Variants in SFMBT2 observed in about 807,000 individuals in gnomAD.
The protein encoded by SFMBT2 is scm-like with four MBT domains protein 2.
SFMBT2 carries 38 observed loss-of-function variants against 110.1 expected under a neutral mutation model. The ratio of observed to expected loss-of-function variants is 0.35; its 90% CI spans 0.27 to 0.45. The LOEUF (loss-of-function observed/expected upper bound fraction) is 0.45, where lower values mean the gene tolerates loss of function less well. SFMBT2 is among the 20% of genes least tolerant of loss of function. The probability of loss-of-function intolerance (pLI) is 1.00; values close to 1 mark genes in which losing one functional copy is unlikely to be tolerated. For synonymous variants in SFMBT2, 425 were observed against 425.4 expected, an observed-to-expected ratio of 1.00 and a Z score of 0.01; for missense variants, 1,011 against 1,094.9, an observed-to-expected ratio of 0.92 and a Z score of 1.08.
intron 4 of SFMBT2, among the ~76,000 whole-genome samples, chr10:7,340,839 TAACA>T (rs1263682001): frequency 2.0e-5 from 3 of 147,018 alleles, no homozygotes; most frequent in Middle Eastern, 3.5e-3. Flanking sequence ...GCTAGAAAAT[TAACA>T]AACAAAGTAA....
intron 16 of SFMBT2, among the ~76,000 whole-genome samples, chr10:7,187,087 T>C (rs1273920725): frequency 1.3e-5 from 2 of 152,226 alleles, no homozygotes; most frequent in African/African-American, 4.8e-5. Context: ...ACATGAAAAC[T>C]AGTGCAAACA....
rs116619325 is a variant in SFMBT2 at position 7,357,179 on chromosome 10, G to C, written c.436+10470C>G. ...AAGGCATTAAGATGACGCCAGGGGA[G>C]AGCAAGTGGGCGATTCAGCTCTAGC... On this transcript the variant is annotated intron_variant, in intron 4 of 20. Coordinates refer to ENST00000397167, the MANE Select transcript of SFMBT2 (RefSeq NM_001387889.1). Among the ~76,000 whole-genome samples, 1,103 of 152,214 alleles carry C rather than the reference G, an allele frequency of 7.2e-3. 18 individuals are homozygous for C. The highest frequency in any genetic ancestry group is 0.025 in the African/African-American group (1,035 of 41,532).
rs1353709327 is a variant in SFMBT2, at chr10:7,367,160, C to T, written c.436+489G>A. ...ACACCCTGACAGTCTCCCAACAAGA[C>T]AGATGAAAAGTTATTAGAGAAGCCT... is the stretch of plus-strand genomic sequence containing the variant. On this transcript the variant is annotated intron_variant, in intron 4 of 20. Transcript: ENST00000397167. This position sits in a 1 kb window ranked among gnomAD's most constrained non-coding sequence, Gnocchi z 6.2. 6.6e-6 allele frequency among the ~76,000 whole-genome samples: 1 copy of T among 151,732 alleles called. No individual in the cohort carries two copies. The highest frequency in any genetic ancestry group is 1.5e-5 in the Non-Finnish European group (1 of 67,950).
chr10:7,401,807 G>A (rs1289184960), intron 1 of SFMBT2, among the ~76,000 whole-genome samples: 4 of 152,164 alleles, frequency 2.6e-5, no homozygotes, highest in East Asian at 1.9e-4. Context: ...TGTGCTTTTC[G>A]TTCTATGCCC....
intron 11 of SFMBT2, among the ~76,000 whole-genome samples, chr10:7,213,553 T>C (rs1420213147): frequency 6.6e-6 from 1 of 152,196 alleles, no homozygotes; most frequent in Non-Finnish European, 1.5e-5. Flanking sequence ...AACGGCATCA[T>C]TCGTCAGCCA....
chr10:7,261,929 T>A (rs934001684), intron 7 of SFMBT2, among the ~76,000 whole-genome samples: 1 of 152,180 alleles, frequency 6.6e-6, no homozygotes, highest in African/African-American at 2.4e-5. Flanking sequence ...GAATGAACAG[T>A]CCCCACACCT....
intron 7 of SFMBT2, among the ~76,000 whole-genome samples, chr10:7,264,728 C>T (rs1046108178): frequency 1.3e-5 from 2 of 152,084 alleles, no homozygotes; most frequent in African/African-American, 2.4e-5. Context: ...CATGAAACAG[C>T]GATCAATTCA....
intron 9 of SFMBT2, 77 bp from the exon 10 acceptor site, chr10:7,228,014 G>A (rs1839948370): frequency 3.9e-6 from 4 of 1,029,602 alleles, no homozygotes; most frequent in East Asian, 5.3e-5. Context: ...CAGAAGGGGT[G>A]AAAGTTTAGG....
intron 7 of SFMBT2, chr10:7,249,705 A>C (rs1413052194): frequency 4.7e-6 from 1 of 212,466 alleles, no homozygotes; most frequent in African/African-American, 2.4e-5. Context: ...CAAAGCCCCC[A>C]AAAGCTGGTC....
chr10:7,321,801 C>T (rs371070895), intron 4 of SFMBT2, among the ~76,000 whole-genome samples: 6 of 152,196 alleles, frequency 3.9e-5, no homozygotes, highest in African/African-American at 1.2e-4. Context: ...TGTCAGCACT[C>T]AGCACTGAGT....
intron 7 of SFMBT2, among the ~76,000 whole-genome samples, chr10:7,271,022 C>T (rs1219457270): frequency 3.3e-5 from 5 of 152,074 alleles, no homozygotes; most frequent in Non-Finnish European, 5.9e-5. Context: ...TGGTGGCTCA[C>T]GCCTATAAAT....
At chr10:7,287,309 G>T (rs550700814) in intron 4 of SFMBT2, 1 of 167,222 alleles carries the variant, frequency 6.0e-6, no homozygotes, top group East Asian at 1.9e-4. Context: ...TCGATCTCCT[G>T]ACCTCGTGAT....
At chr10:7,358,128 T>C (rs1263139180) in intron 4 of SFMBT2, among the ~76,000 whole-genome samples, 1 of 148,254 alleles carries the variant, frequency 6.7e-6, no homozygotes, top group Admixed American at 6.8e-5. Flanking sequence ...AACATCTGCA[T>C]GGCCCTGTGA....
intron 4 of SFMBT2, among the ~76,000 whole-genome samples, chr10:7,330,342 G>A (rs959836256): frequency 4.6e-5 from 7 of 152,082 alleles, no homozygotes; most frequent in South Asian, 2.1e-4. Flanking sequence ...GTCCACCCGC[G>A]CTTCAGCACA....
intron 1 of SFMBT2, among the ~76,000 whole-genome samples, chr10:7,410,605 AGAG>A (rs1459606466): frequency 6.6e-6 from 1 of 152,248 alleles, no homozygotes; most frequent in African/African-American, 2.4e-5. Flanking sequence ...TGGAGCGCAC[AGAG>A]GAGTTTGAAG....
chr10:7,393,297 C>A lies in SFMBT2; in HGVS notation c.-51-11348G>T, dbSNP rs557754656. On this transcript the variant is annotated intron_variant, in intron 1 of 20. Coordinates refer to ENST00000397167, the MANE Select transcript of SFMBT2 (RefSeq NM_001387889.1). ...CCACCCGTCTTGGCCTCCCAAAGTG[C>A]TGGGATTACAGACATGAGTCACCAT... Among the ~76,000 whole-genome samples the A allele has an allele frequency of 8.0e-4, 122 of 152,100 alleles. 1 individual carries two copies. Among genetic ancestry groups the A allele is most frequent in the African/African-American group, 2.8e-3 (118 of 41,494 alleles).
chr10:7,209,317 G>A (rs1050772718), intron 11 of SFMBT2, among the ~76,000 whole-genome samples: 2 of 152,144 alleles, frequency 1.3e-5, no homozygotes, highest in African/African-American at 4.8e-5. Context: ...ATTGCTTCTC[G>A]GCCTTTTGGC....
intron 4 of SFMBT2, chr10:7,286,250 G>A: frequency 5.5e-6 from 1 of 181,120 alleles, no homozygotes; most frequent in Non-Finnish European, 1.1e-5. Context: ...ATTATAAAGT[G>A]TACAATTCAG....
intron 14 of SFMBT2, chr10:7,197,979 G>A (rs1270704195): frequency 1.0e-6 from 1 of 983,828 alleles, no homozygotes; most frequent in Non-Finnish European, 1.2e-6. Context: ...AAGAGGCGCT[G>A]TGTCCTAATA....
Sources: gnomAD v4.1 joint callset for allele counts (sites outside exome capture counted in the v4.1 genomes callset) on GRCh38, gnomAD v4.1.1 for gene constraint, Gnocchi (gnomAD v3.1) non-coding constraint, MANE v1.5 for transcripts, NCBI Gene and HGNC (gene_info 2026-07-23, HGNC 2026-07-21) for gene names.